Variants in PHF21B observed in about 807,000 individuals in gnomAD.
PHF21B encodes the protein PHD finger protein 4.
PHF21B carries 22 observed loss-of-function variants against 62.2 expected under a neutral mutation model. The observed-to-expected ratio is 0.35, with a 90% CI of 0.25 to 0.51. PHF21B has a LOEUF of 0.51. PHF21B is among the 20% of genes least tolerant of loss of function. The pLI is 0.97. For synonymous variants in PHF21B, 341 were observed against 314.7 expected (o/e 1.08, Z -0.88); for missense variants, 701 against 707.9 (o/e 0.99, Z 0.11).
At chr22:44,947,591 A>G (rs2072100930) in intron 2 of PHF21B, among the ~76,000 whole-genome samples, 4 of 151,160 alleles carry the variant, frequency 2.6e-5, no homozygotes, top group Admixed American at 1.3e-4. Context: ...GCTCGGCAGC[A>G]CAGGCACCAA....
rs930961368 is a variant in PHF21B at position 44,885,108 on chromosome 22, G to C, written c.1377+318C>G. Among the ~76,000 whole-genome samples, 19 of 152,242 alleles carry C rather than the reference G, an allele frequency of 1.2e-4. 1 individual carries two copies. The East Asian group carries it at 3.5e-3, about 28-fold the overall frequency. ...TGCCTTCTCCACATACTGGCTTGCT[G>C]GGGGATGCTTGGTGAGTCTGTCTTC... On this transcript the variant is annotated intron_variant, in intron 12 of 12. Transcript: ENST00000313237.
At chr22:44,952,102 G>A (rs1359803883) in intron 2 of PHF21B, among the ~76,000 whole-genome samples, 1 of 152,284 alleles carries the variant, frequency 6.6e-6, no homozygotes, top group South Asian at 2.1e-4. Context: ...CAGCACCTAT[G>A]GAGGCCAAGG....
intron 2 of PHF21B, among the ~76,000 whole-genome samples, chr22:44,931,054 TTTTC>T (rs993713125): frequency 3.9e-5 from 6 of 152,162 alleles, no homozygotes; most frequent in Non-Finnish European, 7.4e-5. Context: ...CAAGGAGTCA[TTTTC>T]TTTCTTTCTT....
At chr22:44,970,261 C>T (rs1456512402) in intron 2 of PHF21B, among the ~76,000 whole-genome samples, 1 of 152,268 alleles carries the variant, frequency 6.6e-6, no homozygotes, top group Non-Finnish European at 1.5e-5. Flanking sequence ...TGCCATGTGA[C>T]CTGCTCTGCA....
chr22:44,958,445 A>G (rs923390513), intron 2 of PHF21B, among the ~76,000 whole-genome samples: 23 of 152,044 alleles, frequency 1.5e-4, no homozygotes, highest in African/African-American at 5.1e-4. Flanking sequence ...TTGCATCCAT[A>G]TGGTTCTCTC....
intron 2 of PHF21B, among the ~76,000 whole-genome samples, chr22:44,998,511 G>C (rs2052150420): frequency 6.6e-6 from 1 of 152,156 alleles, no homozygotes; most frequent in South Asian, 2.1e-4. Context: ...AAGATGAGGG[G>C]CTTGGCCGAG....
At chr22:44,996,015 G>C (rs376481436) in intron 2 of PHF21B, among the ~76,000 whole-genome samples, 31 of 152,312 alleles carry the variant, frequency 2.0e-4, no homozygotes, top group African/African-American at 7.2e-4. Flanking sequence ...CCGGGGATAT[G>C]TGGAAAGGCT....
At chr22:44,963,112 A>C (rs940282597) in intron 2 of PHF21B, among the ~76,000 whole-genome samples, 1 of 152,198 alleles carries the variant, frequency 6.6e-6, no homozygotes, top group Admixed American at 6.5e-5. Context: ...CAGAATCAAG[A>C]TCTCAGCTTC....
intron 2 of PHF21B, among the ~76,000 whole-genome samples, chr22:45,003,957 G>A (rs2073266109): frequency 1.3e-5 from 2 of 152,000 alleles, no homozygotes; most frequent in South Asian, 2.1e-4. Flanking sequence ...ATACTATATA[G>A]TCATTTTATA....
chr22:44,881,920 T>C lies in PHF21B; in HGVS notation c.*1166A>G, dbSNP rs2147233714. 6.6e-6 allele frequency: 1 copy of C among 152,582 alleles called. No homozygotes were observed. The highest frequency in any genetic ancestry group is 1.9e-4 in the East Asian group (1 of 5,180). 9.5% of individuals were successfully genotyped at this position (152,582 alleles called of 1,614,324 possible). ...AACCTCCCGAGCCACCGCCCTTTCTTTCCTCCCCAACCCTCCACCCGGCTC... is the reference window on the plus strand; with the variant it reads ...AACCTCCCGAGCCACCGCCCTTTCTCTCCTCCCCAACCCTCCACCCGGCTC... On this transcript the variant is annotated 3_prime_UTR_variant, in exon 13 of 13. Transcript: ENST00000313237.
chr22:44,915,585 C>T (rs1479792271), intron 4 of PHF21B, among the ~76,000 whole-genome samples: 1 of 152,220 alleles, frequency 6.6e-6, no homozygotes, highest in African/African-American at 2.4e-5. Flanking sequence ...CGGGAATGCA[C>T]TGGGTGCAAC....
At chr22:44,914,465 C>T (rs2071400982) in intron 4 of PHF21B, among the ~76,000 whole-genome samples, 2 of 152,318 alleles carry the variant, frequency 1.3e-5, no homozygotes, top group South Asian at 4.1e-4. Flanking sequence ...CACACTCAGG[C>T]GGCGAGGACT....
intron 12 of PHF21B, among the ~76,000 whole-genome samples, chr22:44,883,508 G>C (rs1569203397): frequency 1.3e-5 from 2 of 152,264 alleles, no homozygotes; most frequent in East Asian, 3.9e-4. Context: ...TTGGAACTTA[G>C]GGCTAGAAAA....
At chr22:44,916,729 G>A (rs1012717901) in intron 3 of PHF21B, 99 bp from the exon 4 acceptor site, 25 of 1,089,216 alleles carry the variant, frequency 2.3e-5, no homozygotes, top group Admixed American at 4.0e-5. Flanking sequence ...TCAAGGGGAA[G>A]GGGCAGCACT....
chr22:44,948,408 G>A (rs772732109), intron 2 of PHF21B, among the ~76,000 whole-genome samples: 5 of 152,190 alleles, frequency 3.3e-5, no homozygotes, highest in African/African-American at 4.8e-5. Context: ...CAGGCTGGGC[G>A]CAGTGGCTCA....
intron 5 of PHF21B, among the ~76,000 whole-genome samples, chr22:44,908,143 G>A (rs893743960): frequency 3.3e-5 from 5 of 152,204 alleles, no homozygotes; most frequent in African/African-American, 1.2e-4. Context: ...CCCCAAACCT[G>A]ACCTCCACTC....
Position 44,927,203 on chromosome 22 carries a change from G to C in PHF21B, c.121-6713C>G, listed in dbSNP as rs138121951. Among the ~76,000 whole-genome samples the C allele has an allele frequency of 5.0e-3, 759 of 152,180 alleles. 3 individuals are homozygous for C. Among genetic ancestry groups the C allele is most frequent in the Middle Eastern group, 0.027 (8 of 294 alleles). ...TTGATCCTCCCTAGTCAGTTACCAA[G>C]AAAGGGACACAACCCGCCCTGGGGA... On this transcript the variant is annotated intron_variant, in intron 2 of 12. Coordinates refer to ENST00000313237, the MANE Select transcript of PHF21B (RefSeq NM_138415.5).
rs554203456 is a variant in PHF21B, at chr22:44,940,609, G to A, written c.121-20119C>T. Among the ~76,000 whole-genome samples the A allele has an allele frequency of 9.0e-4, 137 of 152,340 alleles. 1 individual carries two copies. Among genetic ancestry groups the A allele is most frequent in the Middle Eastern group, 3.4e-3 (1 of 294 alleles). On this transcript the variant is annotated intron_variant, in intron 2 of 12. Transcript: ENST00000313237. The stretch of plus-strand genomic sequence containing the variant: ...ACAGTGCTGGGTGGGGAAGGATGGG[G>A]AGAGGATAAGAGAACACTGCTCTCA...
intron 7 of PHF21B, among the ~76,000 whole-genome samples, 171 bp downstream of exon 7, chr22:44,893,286 C>G (rs149017447): frequency 6.6e-6 from 1 of 152,174 alleles, no homozygotes; most frequent in Non-Finnish European, 1.5e-5. Context: ...ACTGTCAACT[C>G]GGAGGTGATG....
Sources: allele counts gnomAD v4.1 joint callset (sites outside exome capture counted in the v4.1 genomes callset), GRCh38; gene constraint gnomAD v4.1.1; transcripts MANE v1.5; gene names NCBI Gene and HGNC (gene_info 2026-07-23, HGNC 2026-07-21).